NCMAP: variants seen among roughly 807,000 people sequenced by gnomAD.
NCMAP encodes non-compact myelin associated protein.
NCMAP carries 8 observed loss-of-function variants against 7.8 expected under a neutral mutation model. That is an observed-to-expected ratio of 1.02 (90% CI 0.60 to 1.84). The LOEUF is 1.84. Among genes scored for constraint, NCMAP ranks in the 40% most tolerant of loss-of-function variants. The pLI, the probability that NCMAP is intolerant of heterozygous loss-of-function variation, is 0.00. For synonymous variants in NCMAP, 41 were observed against 52.9 expected (o/e 0.78, Z 0.98); for missense variants, 112 against 131.4 (o/e 0.85, Z 0.72).
At chr1:24,602,361 T>C (rs965063571) in intron 3 of NCMAP, among the ~76,000 whole-genome samples, 4 of 136,934 alleles carry the variant, frequency 2.9e-5, no homozygotes, top group Non-Finnish European at 5.9e-5. Context: ...GGCGGGCGGA[T>C]CACGAGGTCA....
At chr1:24,560,594 C>G (rs1198968918) in intron 1 of NCMAP, among the ~76,000 whole-genome samples, 2 of 151,982 alleles carry the variant, frequency 1.3e-5, no homozygotes, top group South Asian at 2.1e-4. Flanking sequence ...ATAACAAAAA[C>G]TTTAGCAGGT....
chr1:24,588,974 C>T (rs1317630740), intron 1 of NCMAP, among the ~76,000 whole-genome samples: 3 of 152,172 alleles, frequency 2.0e-5, no homozygotes, highest in Non-Finnish European at 4.4e-5. Context: ...GAAGAAGGGG[C>T]TGTGAAATCG....
chr1:24,583,888 C>G (rs970829084), intron 1 of NCMAP, among the ~76,000 whole-genome samples: 1 of 152,114 alleles, frequency 6.6e-6, no homozygotes, highest in Non-Finnish European at 1.5e-5. Context: ...CACTGACCTG[C>G]TGTTAGATTT....
At chr1:24,596,661 G>A (rs1652239964) in intron 2 of NCMAP, among the ~76,000 whole-genome samples, 2 of 152,190 alleles carry the variant, frequency 1.3e-5, no homozygotes, top group Non-Finnish European at 2.9e-5. Flanking sequence ...ATTCCAGCCT[G>A]GGTGACAGAG....
intron 1 of NCMAP, among the ~76,000 whole-genome samples, chr1:24,592,801 C>T (rs954131100): frequency 1.3e-5 from 2 of 152,094 alleles, no homozygotes; most frequent in South Asian, 4.1e-4. Flanking sequence ...CGCCTGTAGT[C>T]CCAGCTACTC....
At position 24,605,740 on chromosome 1, in the gene NCMAP, C is replaced by T. The variant is rs146738397; in HGVS notation, c.302C>T (p.Thr101Met). Residue 101 changes from threonine (T) to methionine (M), a missense_variant, in exon 4 of 4, where the codon ACG becomes ATG. Coordinates refer to ENST00000374392, the MANE Select transcript of NCMAP (RefSeq NM_001010980.5). ...TFSPVDVQVE[T>M]R Reference sequence around the variant, plus strand: ...AGTCCTGTTGACGTCCAGGTGGAGACGCGATGACCTCTACCCTGGCGCTAT... The same window carrying T: ...AGTCCTGTTGACGTCCAGGTGGAGATGCGATGACCTCTACCCTGGCGCTAT... 255 of 1,614,146 alleles carry T rather than the reference C, an allele frequency of 1.6e-4. No individual in the cohort carries two copies. In the African/African-American group the frequency reaches 1.7e-3, roughly 11 times the overall value.
At chr1:24,602,438 T>C (rs9659888) in intron 3 of NCMAP, among the ~76,000 whole-genome samples, 76,985 of 145,540 alleles carry the variant, frequency 0.53, 21,814 homozygotes, top group East Asian at 0.61. Context: ...GGCGCAGTGG[T>C]GGGCGCCTGT....
At chr1:24,594,971 C>G (rs757225919) in intron 1 of NCMAP, among the ~76,000 whole-genome samples, 3 of 151,970 alleles carry the variant, frequency 2.0e-5, no homozygotes, top group Non-Finnish European at 4.4e-5. Flanking sequence ...TATAGTAAAG[C>G]CTTTGAAAGT....
intron 1 of NCMAP, among the ~76,000 whole-genome samples, chr1:24,562,561 C>T (rs1651083333): frequency 6.6e-6 from 1 of 152,240 alleles, no homozygotes; most frequent in Admixed American, 6.5e-5. Flanking sequence ...AAATGCTTGA[C>T]AGACCCCGGA....
chr1:24,585,132 GA>G (rs1346482436), intron 1 of NCMAP, among the ~76,000 whole-genome samples: 7 of 152,140 alleles, frequency 4.6e-5, no homozygotes, highest in African/African-American at 1.4e-4. Flanking sequence ...GCACACGGCA[GA>G]ATTCCTACCC....
At chr1:24,588,622 G>T (rs1245340509) in intron 1 of NCMAP, among the ~76,000 whole-genome samples, 1 of 152,194 alleles carries the variant, frequency 6.6e-6, no homozygotes, top group African/African-American at 2.4e-5. Flanking sequence ...TTGGCCAAGA[G>T]CTAGTCAGAG....
chr1:24,571,233 T>G (rs901307285), intron 1 of NCMAP, among the ~76,000 whole-genome samples: 1 of 150,544 alleles, frequency 6.6e-6, no homozygotes, highest in African/African-American at 2.5e-5. Flanking sequence ...TCCTAGCACT[T>G]TGGGAGGCCG....
At chr1:24,561,075 A>AT (rs1289908499) in intron 1 of NCMAP, among the ~76,000 whole-genome samples, 1 of 151,192 alleles carries the variant, frequency 6.6e-6, no homozygotes, top group Non-Finnish European at 1.5e-5. Context: ...GCTCATGCCT[A>AT]TAATCCCAGC....
intron 1 of NCMAP, among the ~76,000 whole-genome samples, chr1:24,582,954 G>A (rs188001553): frequency 4.3e-4 from 65 of 152,312 alleles, no homozygotes; most frequent in African/African-American, 1.4e-3. Flanking sequence ...TAACTGGCAC[G>A]TAAAAGACAC....
At chr1:24,604,798 G>T (rs1456988490) in intron 3 of NCMAP, among the ~76,000 whole-genome samples, 1 of 149,868 alleles carries the variant, frequency 6.7e-6, no homozygotes. Context: ...GGCCAACATG[G>T]TGAAACCCCA....
At chr1:24,574,363 C>G (rs1417087642) in intron 1 of NCMAP, among the ~76,000 whole-genome samples, 3 of 145,526 alleles carry the variant, frequency 2.1e-5, no homozygotes, top group Admixed American at 1.3e-4. Flanking sequence ...AAGTTATCTG[C>G]CCACCTCGGC....
chr1:24,589,876 G>A (rs1420561964), intron 1 of NCMAP, among the ~76,000 whole-genome samples: 3 of 152,188 alleles, frequency 2.0e-5, no homozygotes, highest in East Asian at 3.9e-4. Context: ...AGGCTGGAGC[G>A]CAATGGTGAG....
At chr1:24,563,905 A>C (rs1651133262) in intron 1 of NCMAP, 3 of 152,222 alleles carry the variant, frequency 2.0e-5, no homozygotes, top group Admixed American at 2.0e-4. Context: ...CAAAAGCTAA[A>C]TCTCACCAAG....
At chr1:24,562,066 T>G (rs1299612641) in intron 1 of NCMAP, among the ~76,000 whole-genome samples, 1 of 152,208 alleles carries the variant, frequency 6.6e-6, no homozygotes, top group Non-Finnish European at 1.5e-5. Context: ...TACCTCAACT[T>G]TTTAAGATCC....
Sources: allele counts gnomAD v4.1 joint callset (sites outside exome capture counted in the v4.1 genomes callset), GRCh38; gene constraint gnomAD v4.1.1; transcripts MANE v1.5; gene names NCBI Gene and HGNC (gene_info 2026-07-23, HGNC 2026-07-21).